The following MTMR6 variants were observed in gnomAD, a reference collection of about 807,000 sequenced individuals.
MTMR6 encodes myotubularin related protein 6.
Under a neutral mutation model 80.1 loss-of-function variants are expected in MTMR6, and 47 were observed. The observed-to-expected ratio is 0.59, with a 90% CI of 0.46 to 0.75. MTMR6 has a LOEUF of 0.75. MTMR6 is among the 30% of genes least tolerant of loss of function. The pLI, the probability that MTMR6 is intolerant of heterozygous loss-of-function variation, is 0.00. For synonymous variants in MTMR6, 254 were observed against 253.0 expected, an observed-to-expected ratio of 1.00 and a Z score of -0.04; for missense variants, 629 against 730.9, an observed-to-expected ratio of 0.86 and a Z score of 1.61.
Position 25,266,223 on chromosome 13 carries a change from T to G in MTMR6, c.368A>C (p.Gln123Pro). 1 of 1,613,942 alleles carries G rather than the reference T, an allele frequency of 6.2e-7. No individual in the cohort carries two copies. Among genetic ancestry groups the G allele is most frequent in the South Asian group, 1.1e-5 (1 of 91,080 alleles). The part of the protein sequence containing the change: ...NPKQNDSERL[Q>P]GWQLIDLAEE... Reference sequence around the variant, plus strand: ...AGCGAGATCAATGAGCTGCCAGCCTTGTAGTCGTTCTGAATCATTTTGTTT... The same window carrying G: ...AGCGAGATCAATGAGCTGCCAGCCTGGTAGTCGTTCTGAATCATTTTGTTT... Residue 123 changes from glutamine (Q) to proline (P), a missense_variant, in exon 4 of 14, where the codon CAA becomes CCA. Gln to Pro is a moderately conservative substitution (Grantham distance 76, BLOSUM62 -1). Transcript: ENST00000381801.
At chr13:25,266,683 T>G (rs2137571229) in intron 3 of MTMR6, among the ~76,000 whole-genome samples, 1 of 152,324 alleles carries the variant, frequency 6.6e-6, no homozygotes, top group East Asian at 1.9e-4. Flanking sequence ...AACATGAAAC[T>G]GCATTATACA....
At chr13:25,254,669 T>C (rs1957157323) in intron 9 of MTMR6, among the ~76,000 whole-genome samples, 1 of 152,166 alleles carries the variant, frequency 6.6e-6, no homozygotes, top group Non-Finnish European at 1.5e-5. Context: ...ATTATTTCCG[T>C]TGAATTTATT....
intron 13 of MTMR6, 141 bp from the exon 14 acceptor site, chr13:25,249,633 A>G: frequency 1.2e-6 from 1 of 831,936 alleles, no homozygotes; most frequent in South Asian, 1.9e-5. Context: ...GAAACATTTA[A>G]TGCATATGAC....
intron 1 of MTMR6, among the ~76,000 whole-genome samples, chr13:25,286,653 T>G (rs1013123618): frequency 2.6e-5 from 4 of 152,152 alleles, no homozygotes; most frequent in African/African-American, 9.7e-5. Flanking sequence ...CCAGAACTCT[T>G]GACTACTGAC....
intron 11 of MTMR6, 92 bp downstream of exon 11, chr13:25,253,672 G>A: frequency 1.8e-6 from 2 of 1,112,278 alleles, no homozygotes; most frequent in East Asian, 5.1e-5. Context: ...CTTTCAAATT[G>A]TCAAGATATT....
At chr13:25,268,540 C>A (rs1265505346) in intron 2 of MTMR6, among the ~76,000 whole-genome samples, 1 of 152,208 alleles carries the variant, frequency 6.6e-6, no homozygotes, top group Non-Finnish European at 1.5e-5. Flanking sequence ...CTTCTAGACA[C>A]ATTTCTGGTC....
intron 9 of MTMR6, among the ~76,000 whole-genome samples, chr13:25,255,720 C>T (rs1293983906): frequency 2.6e-5 from 4 of 152,140 alleles, no homozygotes; most frequent in Non-Finnish European, 5.9e-5. Flanking sequence ...GACAGGGTTT[C>T]ACCATATTGG....
At chr13:25,249,587 T>C (rs1957043931) in intron 13 of MTMR6, 95 bp from the exon 14 acceptor site, 1 of 1,239,434 alleles carries the variant, frequency 8.1e-7, no homozygotes. Context: ...ATATGTTCTC[T>C]GTATGTATAA....
chr13:25,281,818 C>T lies in MTMR6; in HGVS notation c.24+5406G>A, dbSNP rs552609158. ...GAGGGCAGAGATTATGGTTTCTGTT[C>T]ATGTATCCCAATTTCTAGAACAGTG... is the stretch of plus-strand genomic sequence containing the variant. On this transcript the variant is annotated intron_variant, in intron 1 of 13. Coordinates refer to ENST00000381801, the MANE Select transcript of MTMR6 (RefSeq NM_004685.5). Among the ~76,000 whole-genome samples the T allele has an allele frequency of 1.5e-3, 232 of 152,292 alleles. 1 individual carries two copies. The highest frequency in any genetic ancestry group is 5.4e-3 in the African/African-American group (226 of 41,566).
chr13:25,274,630 C>A (rs1427973012), intron 1 of MTMR6, among the ~76,000 whole-genome samples: 5 of 152,098 alleles, frequency 3.3e-5, no homozygotes, highest in Non-Finnish European at 7.4e-5. Context: ...TCTCTATATT[C>A]TCTTCACTAT....
intron 11 of MTMR6, 26 bp from the exon 12 acceptor site, chr13:25,252,010 G>T: frequency 2.5e-6 from 4 of 1,597,804 alleles, no homozygotes; most frequent in Non-Finnish European, 3.4e-6. Flanking sequence ...AAAACACAGA[G>T]ATCTTTCCTA....
chr13:25,264,525 C>T (rs938636506), intron 5 of MTMR6, among the ~76,000 whole-genome samples: 1 of 151,674 alleles, frequency 6.6e-6, no homozygotes, highest in African/African-American at 2.4e-5. Context: ...GAGGCCGAGG[C>T]GGGTGGATCA....
chr13:25,252,146 CT>C (rs1242667262), intron 11 of MTMR6, among the ~76,000 whole-genome samples, 162 bp from the exon 12 acceptor site: 1 of 152,142 alleles, frequency 6.6e-6, no homozygotes, highest in Non-Finnish European at 1.5e-5. Context: ...TGTATTATCT[CT>C]ATTCTCCTTT....
intron 1 of MTMR6, among the ~76,000 whole-genome samples, chr13:25,281,966 C>T (rs375609040): frequency 4.6e-5 from 7 of 152,122 alleles, no homozygotes; most frequent in African/African-American, 1.7e-4. Flanking sequence ...CCATCAATGG[C>T]TTCCTATCTC....
chr13:25,257,841 A>G lies in MTMR6; in HGVS notation c.864T>C (p.Asn288=), dbSNP rs369999588. ...RSSLQKLLEV[N]GTKGLSVNDF... is the part of the protein sequence containing the mutation. ...CATTGACAGAAAGCCCTTTAGTGCC[A>G]TTGACTGAAAGAGGTATAAAAATAT... The change falls in exon 8 of 14, where the codon AAT becomes AAC. Residue 288 remains asparagine, a synonymous_variant. Transcript: ENST00000381801. 2 of 1,609,572 alleles carry G rather than the reference A, an allele frequency of 1.2e-6. No individual in the cohort carries two copies. Among genetic ancestry groups the G allele is most frequent in the East Asian group, 4.5e-5 (2 of 44,816 alleles).
intron 1 of MTMR6, among the ~76,000 whole-genome samples, chr13:25,286,863 T>G (rs1957963481): frequency 6.6e-6 from 1 of 152,094 alleles, no homozygotes; most frequent in African/African-American, 2.4e-5. Flanking sequence ...TTGAAGACGG[T>G]TTTCCGGTTG....
chr13:25,268,622 G>GC (rs1186091340), intron 2 of MTMR6, among the ~76,000 whole-genome samples: 1 of 152,128 alleles, frequency 6.6e-6, no homozygotes, highest in Non-Finnish European at 1.5e-5. Context: ...AGTAAGTTAG[G>GC]CCCCCTCCCT....
At chr13:25,277,632 G>A (rs1307213072) in intron 1 of MTMR6, among the ~76,000 whole-genome samples, 8 of 152,184 alleles carry the variant, frequency 5.3e-5, no homozygotes, top group Admixed American at 3.9e-4. Flanking sequence ...GTGAACAGTA[G>A]GTATTCATTC....
At chr13:25,258,764 A>C (rs1957271226) in intron 6 of MTMR6, 72 bp from the exon 7 acceptor site, 2 of 1,331,690 alleles carry the variant, frequency 1.5e-6, no homozygotes, top group Non-Finnish European at 9.9e-7. Context: ...TGAAAATATT[A>C]AATAAGCAGT....
Sources: allele counts gnomAD v4.1 joint callset (sites outside exome capture counted in the v4.1 genomes callset), GRCh38; gene constraint gnomAD v4.1.1; transcripts MANE v1.5; gene names NCBI Gene and HGNC (gene_info 2026-07-23, HGNC 2026-07-21).